Variants in PRKN observed in about 807,000 individuals in gnomAD.
The protein encoded by PRKN is E3 ubiquitin-protein ligase parkin.
A neutral mutation model predicts 59.5 loss-of-function variants in PRKN; 56 were observed. The observed-to-expected ratio is 0.94, with a 90% CI of 0.76 to 1.18. The LOEUF (loss-of-function observed/expected upper bound fraction) is 1.18, where lower values mean the gene tolerates loss of function less well. PRKN is among the 50% of genes most tolerant of loss of function. The pLI, the probability that PRKN is intolerant of heterozygous loss-of-function variation, is 0.00. For missense variants in PRKN, 657 were observed against 596.4 expected (o/e 1.10, Z -1.06); for synonymous variants, 250 against 222.1 (o/e 1.13, Z -1.12).
At chr6:162,431,456 G>A (rs2128163295) in intron 2 of PRKN, among the ~76,000 whole-genome samples, 1 of 152,210 alleles carries the variant, frequency 6.6e-6, no homozygotes, top group Non-Finnish European at 1.5e-5. Context: ...GGAGGCTGAG[G>A]CAGGAGAATT....
intron 1 of PRKN, among the ~76,000 whole-genome samples, chr6:162,699,084 G>C (rs2128236433): frequency 6.6e-6 from 1 of 152,230 alleles, no homozygotes. Context: ...GCTTTATATA[G>C]CTACAGAAAC....
In PRKN at chr6:161,377,031, C is replaced by G. The variant is rs138173980; in HGVS notation, c.1167+9763G>C. 6.6e-6 allele frequency among the ~76,000 whole-genome samples: 1 copy of G among 152,230 alleles called. No individual in the cohort carries two copies. The highest frequency in any genetic ancestry group is 2.4e-5 in the African/African-American group (1 of 41,472). On this transcript the variant is annotated intron_variant, in intron 10 of 11. Transcript: ENST00000366898. This position sits in a 1 kb window ranked among gnomAD's most constrained non-coding sequence, Gnocchi z 4.2. The stretch of plus-strand genomic sequence containing the variant: ...CCGAGGAGCAAAGGGCAGGGTCAGG[C>G]GGCATGCAAGCGCCCTGTCTCTGCG...
chr6:161,649,607 C>T (rs1210079329), intron 7 of PRKN, among the ~76,000 whole-genome samples: 1 of 152,178 alleles, frequency 6.6e-6, no homozygotes, highest in Non-Finnish European at 1.5e-5. Context: ...ACATAAGAGA[C>T]TTTTGTGTTT....
chr6:161,514,484 G>A (rs1467655169), intron 9 of PRKN, among the ~76,000 whole-genome samples: 1 of 152,118 alleles, frequency 6.6e-6, no homozygotes, highest in Non-Finnish European at 1.5e-5. Context: ...TTTTAAAACA[G>A]AATAAAACCA....
At chr6:161,698,200 A>G (rs1269763229) in intron 7 of PRKN, among the ~76,000 whole-genome samples, 1 of 151,934 alleles carries the variant, frequency 6.6e-6, no homozygotes, top group Non-Finnish European at 1.5e-5. Flanking sequence ...AACAACATGC[A>G]AAAAAAATCA....
intron 5 of PRKN, among the ~76,000 whole-genome samples, chr6:162,002,202 C>G (rs1368171913): frequency 6.6e-6 from 1 of 152,034 alleles, no homozygotes; most frequent in African/African-American, 2.4e-5. Context: ...TCTGCAGTTT[C>G]ATCCTTCTGA....
chr6:161,481,872 CAAAGAAGGAAGGAAGAAAGGAAGT>C (rs1791416441), intron 9 of PRKN, among the ~76,000 whole-genome samples: 1 of 150,840 alleles, frequency 6.6e-6, no homozygotes, highest in Non-Finnish European at 1.5e-5. Flanking sequence ...GGCAATTTTT[CAAAGAAGGAAGGAAGAAAGGAAGT>C]AAAGAAGGAA....
At chr6:162,594,128 C>A (rs1263647314) in intron 1 of PRKN, among the ~76,000 whole-genome samples, 1 of 151,826 alleles carries the variant, frequency 6.6e-6, no homozygotes, top group East Asian at 1.9e-4. Context: ...CCAGCCTGGG[C>A]AACAGGGCAA....
At chr6:162,480,868 C>T (rs185869397) in intron 1 of PRKN, among the ~76,000 whole-genome samples, 45 of 152,142 alleles carry the variant, frequency 3.0e-4, no homozygotes, top group East Asian at 1.9e-3. Context: ...CGCAGTGGCA[C>T]GATCTCACCT....
At chr6:161,606,958 G>T (rs375147941) in intron 7 of PRKN, among the ~76,000 whole-genome samples, 4 of 152,172 alleles carry the variant, frequency 2.6e-5, no homozygotes, top group African/African-American at 7.2e-5. Flanking sequence ...CACAGCATGG[G>T]GGGGAGATGA....
intron 6 of PRKN, among the ~76,000 whole-genome samples, chr6:161,964,577 C>T (rs1009953535): frequency 5.3e-5 from 8 of 151,962 alleles, no homozygotes; most frequent in Middle Eastern, 3.2e-3. Context: ...ATTTTCCATT[C>T]GACTCTAGAA....
In PRKN at chr6:161,848,638, G is replaced by A. The variant is rs145231206; in HGVS notation, c.735-62730C>T. Among the ~76,000 whole-genome samples, 479 of 152,256 alleles carry A rather than the reference G, an allele frequency of 3.1e-3. 3 individuals are homozygous for A. Among genetic ancestry groups the A allele is most frequent in the African/African-American group, 0.011 (450 of 41,552 alleles). On this transcript the variant is annotated intron_variant, in intron 6 of 11. Coordinates refer to ENST00000366898, the MANE Select transcript of PRKN (RefSeq NM_004562.3). Reference sequence around the variant, plus strand: ...GAAAAAATTCCAGTAGCACCTCCCTGGGGAATCTGAACTAGGCCCTGGTTA... The same window carrying A: ...GAAAAAATTCCAGTAGCACCTCCCTAGGGAATCTGAACTAGGCCCTGGTTA...
chr6:161,694,958 C>G (rs866702489), intron 7 of PRKN, among the ~76,000 whole-genome samples: 27 of 152,084 alleles, frequency 1.8e-4, no homozygotes, highest in African/African-American at 6.3e-4. Context: ...ATGCCCAGAC[C>G]TCATCATTAA....
intron 1 of PRKN, among the ~76,000 whole-genome samples, chr6:162,601,055 A>C (rs13219524): frequency 0.31 from 46,882 of 152,092 alleles, 7,675 homozygotes; most frequent in East Asian, 0.5. Flanking sequence ...GTTTATTGGG[A>C]TCCCAGTTCT....
rs1009384866 is a variant in PRKN, at chr6:161,499,825, C to T, written c.1083+49029G>A. Among the ~76,000 whole-genome samples the T allele has an allele frequency of 1.3e-5, 2 of 152,150 alleles. No individual in the cohort carries two copies. The highest frequency in any genetic ancestry group is 6.5e-5 in the Admixed American group (1 of 15,280). On this transcript the variant is annotated intron_variant, in intron 9 of 11. Coordinates refer to ENST00000366898, the MANE Select transcript of PRKN (RefSeq NM_004562.3). The surrounding 1 kb of genome is among the most constrained non-coding windows in gnomAD (Gnocchi z 4.2). ...TATTCTCTTCTAGCTTTGAAAGACC[C>T]TTCAGAAGGTAGAATTTGGATGCCA... is the stretch of plus-strand genomic sequence containing the variant.
At chr6:162,055,139 G>A (rs79579080) in intron 4 of PRKN, among the ~76,000 whole-genome samples, 1 of 152,128 alleles carries the variant, frequency 6.6e-6, no homozygotes, top group East Asian at 1.9e-4. Context: ...TCCAGTCTGG[G>A]TGACATAGCA....
intron 3 of PRKN, among the ~76,000 whole-genome samples, chr6:162,235,883 GAGAA>G (rs1443997054): frequency 3.8e-4 from 55 of 146,248 alleles, no homozygotes; most frequent in Admixed American, 9.2e-4. Flanking sequence ...AAGAAAGAGA[GAGAA>G]AGAAAGAAAG....
At chr6:161,534,121 A>G (rs886148671) in intron 9 of PRKN, among the ~76,000 whole-genome samples, 9 of 151,424 alleles carry the variant, frequency 5.9e-5, no homozygotes, top group Admixed American at 3.3e-4. Flanking sequence ...ACAGGGCCAG[A>G]CTCCCTTTCC....
intron 4 of PRKN, among the ~76,000 whole-genome samples, chr6:162,145,048 T>C (rs763683072): frequency 4.0e-5 from 6 of 151,554 alleles, no homozygotes; most frequent in African/African-American, 7.3e-5. Flanking sequence ...ACAGATTAAA[T>C]TTCCAAAGAG....
Sources: allele counts gnomAD v4.1 joint callset (sites outside exome capture counted in the v4.1 genomes callset), GRCh38; gene constraint gnomAD v4.1.1; non-coding constraint Gnocchi (gnomAD v3.1); transcripts MANE v1.5; gene names NCBI Gene and HGNC (gene_info 2026-07-23, HGNC 2026-07-21).